FGF12: variants seen among roughly 807,000 people sequenced by gnomAD.
The protein encoded by FGF12 is fibroblast growth factor 12.
FGF12 carries 14 observed loss-of-function variants against 23.6 expected under a neutral mutation model. The observed-to-expected ratio is 0.59, with a 90% CI of 0.39 to 0.93. FGF12 has a LOEUF of 0.93. Ranked by LOEUF, FGF12 falls within the 40% of genes least tolerant of loss-of-function variation. The pLI is 0.00. For missense variants in FGF12, 175 were observed against 217.8 expected (o/e 0.80, Z 1.24); for synonymous variants, 62 against 77.3 (o/e 0.80, Z 1.04).
chr3:192,700,834 A>G (rs951692312), intron 2 of FGF12, among the ~76,000 whole-genome samples: 7 of 152,198 alleles, frequency 4.6e-5, no homozygotes, highest in Admixed American at 2.0e-4. Context: ...AAGATTGACA[A>G]AATAGACTCT....
At chr3:192,319,461 G>A (rs553308214) in intron 4 of FGF12, among the ~76,000 whole-genome samples, 1 of 152,086 alleles carries the variant, frequency 6.6e-6, no homozygotes, top group Non-Finnish European at 1.5e-5. Context: ...GGCGGGTGTG[G>A]TGGTGCATGC....
intron 2 of FGF12, among the ~76,000 whole-genome samples, chr3:192,676,668 T>C (rs1008987513): frequency 1.3e-5 from 2 of 152,126 alleles, no homozygotes; most frequent in African/African-American, 4.8e-5. Context: ...ATGAGGTCAT[T>C]AGGGTGGGCT....
At chr3:192,393,449 T>C (rs1233293070) in intron 2 of FGF12, among the ~76,000 whole-genome samples, 1 of 152,176 alleles carries the variant, frequency 6.6e-6, no homozygotes, top group Non-Finnish European at 1.5e-5. Flanking sequence ...TATGACATTT[T>C]CCTCAAAAAG....
chr3:192,602,297 A>C (rs1357091799), intron 2 of FGF12, among the ~76,000 whole-genome samples: 2 of 152,162 alleles, frequency 1.3e-5, no homozygotes, highest in East Asian at 3.8e-4. Context: ...GTAAAAAATT[A>C]GTAGGCAAAT....
intron 2 of FGF12, among the ~76,000 whole-genome samples, chr3:192,368,153 A>G (rs1719069513): frequency 6.6e-6 from 1 of 152,094 alleles, no homozygotes; most frequent in African/African-American, 2.4e-5. Context: ...CCAGACTTTC[A>G]TGGGATGATT....
At chr3:192,345,922 C>T (rs1184329594) in intron 3 of FGF12, among the ~76,000 whole-genome samples, 1 of 152,052 alleles carries the variant, frequency 6.6e-6, no homozygotes, top group Non-Finnish European at 1.5e-5. Context: ...ATGCTCAAAG[C>T]TTTGCACGTT....
At chr3:192,540,058 G>GT (rs1725326962) in intron 2 of FGF12, among the ~76,000 whole-genome samples, 1 of 151,552 alleles carries the variant, frequency 6.6e-6, no homozygotes, top group South Asian at 2.1e-4. Context: ...TCTGGCCAAA[G>GT]TTTTCTCAAT....
At chr3:192,420,583 C>T (rs1334680155) in intron 2 of FGF12, among the ~76,000 whole-genome samples, 1 of 152,172 alleles carries the variant, frequency 6.6e-6, no homozygotes, top group African/African-American at 2.4e-5. Flanking sequence ...TAAAAACAGT[C>T]TGGGGTGTAC....
chr3:192,627,358 T>C (rs1278783663), intron 2 of FGF12, among the ~76,000 whole-genome samples: 1 of 152,066 alleles, frequency 6.6e-6, no homozygotes, highest in Non-Finnish European at 1.5e-5. Context: ...TAGGTTATTT[T>C]TAGTTTTATT....
intron 3 of FGF12, among the ~76,000 whole-genome samples, chr3:192,357,509 G>T (rs1434767292): frequency 6.6e-6 from 1 of 151,188 alleles, no homozygotes; most frequent in Non-Finnish European, 1.5e-5. Flanking sequence ...GTGGGTAACA[G>T]TATTTTAGCC....
chr3:192,350,015 T>C lies in FGF12; in HGVS notation c.124+10413A>G, dbSNP rs150498514. On this transcript the variant is annotated intron_variant, in intron 3 of 5. Transcript: ENST00000445105. ...TTATATTCTAATTAAATCTTTTGGT[T>C]TCAATGGTATAATGATTATACTATT... Among the ~76,000 whole-genome samples the C allele has an allele frequency of 6.7e-4, 102 of 152,212 alleles. 2 individuals carry two copies. In the East Asian group the frequency reaches 0.019, roughly 28 times the overall value.
chr3:192,268,385 A>G (rs1713213091), intron 4 of FGF12, among the ~76,000 whole-genome samples: 1 of 152,206 alleles, frequency 6.6e-6, no homozygotes, highest in Non-Finnish European at 1.5e-5. Flanking sequence ...TGTGGGATAG[A>G]GAGCTCTTTT....
intron 5 of FGF12, among the ~76,000 whole-genome samples, chr3:192,158,001 G>A (rs1208076872): frequency 6.6e-6 from 1 of 152,160 alleles, no homozygotes; most frequent in African/African-American, 2.4e-5. Flanking sequence ...GCAATACAGG[G>A]CAGTCAGCTT....
At position 192,348,561 on chromosome 3, in the gene FGF12, C is replaced by T. The variant is rs568966759; in HGVS notation, c.124+11867G>A. Among the ~76,000 whole-genome samples, 164 of 152,200 alleles carry T rather than the reference C, an allele frequency of 1.1e-3. 1 individual carries two copies. Among genetic ancestry groups the T allele is most frequent in the Non-Finnish European group, 1.7e-3 (118 of 67,978 alleles). On this transcript the variant is annotated intron_variant, in intron 3 of 5. Coordinates refer to ENST00000445105, the MANE Select transcript of FGF12 (RefSeq NM_004113.6). Reference sequence around the variant, plus strand: ...GTTTAGCCTGTCTAAAGTAAACCTCCATAATATTTTAGAACTAAACCACGT... The same window carrying T: ...GTTTAGCCTGTCTAAAGTAAACCTCTATAATATTTTAGAACTAAACCACGT...
chr3:192,158,332 C>CTCTTTCTTTCTTTCTTTCTT lies in FGF12; in HGVS notation c.427+12106_427+12125dup, dbSNP rs375016082. On this transcript the variant is annotated intron_variant, in intron 5 of 5. Transcript: ENST00000445105. ...CCCTTTTCTCTTTCTTTCTTTCTTT[C>CTCTTTCTTTCTTTCTTTCTT]TCTTTCTTTCTTTCTTTCTTTCTTT... 1.5e-3 allele frequency among the ~76,000 whole-genome samples: 172 copies of CTCTTTCTTTCTTTCTTTCTT among 112,426 alleles called. 2 individuals carry two copies. Among genetic ancestry groups the CTCTTTCTTTCTTTCTTTCTT allele is most frequent in the African/African-American group, 3.2e-3 (89 of 28,232 alleles). The allele number at this position is 112,426 out of a possible 152,430, so 73.8% of individuals were successfully genotyped here.
At position 192,664,367 on chromosome 3, in the gene FGF12, A is replaced by C. The variant is rs182430525; in HGVS notation, c.13+62814T>G. On this transcript the variant is annotated intron_variant, in intron 2 of 5. Transcript: ENST00000445105. ...AACTCCTCCCCAGAGTTGTTCTAGG[A>C]CCTTGGCGCTTCTGATTTTAGAGGT... Among the ~76,000 whole-genome samples, 473 of 152,070 alleles carry C rather than the reference A, an allele frequency of 3.1e-3. 4 individuals are homozygous for C. The highest frequency in any genetic ancestry group is 7.1e-3 in the Admixed American group (108 of 15,268).
chr3:192,686,771 C>T (rs936893929), intron 2 of FGF12, among the ~76,000 whole-genome samples: 2 of 144,890 alleles, frequency 1.4e-5, no homozygotes, highest in South Asian at 2.2e-4. Context: ...CACATGTAAT[C>T]GAGAACTTAA....
At chr3:192,317,178 C>T (rs1716269596) in intron 4 of FGF12, among the ~76,000 whole-genome samples, 1 of 151,904 alleles carries the variant, frequency 6.6e-6, no homozygotes. Context: ...TAGGAAGAGA[C>T]TCCTTCTGCT....
intron 2 of FGF12, among the ~76,000 whole-genome samples, chr3:192,685,115 G>A (rs910126718): frequency 1.3e-5 from 2 of 151,810 alleles, no homozygotes; most frequent in Non-Finnish European, 1.5e-5. Context: ...GCAGTGACAC[G>A]ACCTCAGCTC....
Sources: allele counts gnomAD v4.1 joint callset (sites outside exome capture counted in the v4.1 genomes callset), GRCh38; gene constraint gnomAD v4.1.1; transcripts MANE v1.5; gene names NCBI Gene and HGNC (gene_info 2026-07-23, HGNC 2026-07-21).